Variants in CYB5R4 observed in about 807,000 individuals in gnomAD.
CYB5R4 encodes N-terminal cytochrome b5 and cytochrome b5 oxidoreductase domain-containing protein.
In CYB5R4, 55 loss-of-function variants were observed where a neutral mutation model predicts 70.2. That is an observed-to-expected ratio of 0.78 (90% CI 0.63 to 0.98). The LOEUF is 0.98. Among genes scored for constraint, CYB5R4 ranks in the 50% least tolerant of loss-of-function variants. CYB5R4 has a pLI of 0.00. For missense variants in CYB5R4, 562 were observed against 612.6 expected (o/e 0.92, Z 0.87); for synonymous variants, 197 against 199.5 (o/e 0.99, Z 0.11).
At chr6:83,917,669 G>A (rs930153279) in intron 5 of CYB5R4, among the ~76,000 whole-genome samples, 3 of 152,048 alleles carry the variant, frequency 2.0e-5, no homozygotes, top group African/African-American at 7.2e-5. Context: ...TGGACAAAAA[G>A]CCAGACTAAA....
chr6:83,951,533 T>A (rs576717278), intron 14 of CYB5R4, among the ~76,000 whole-genome samples: 35 of 152,184 alleles, frequency 2.3e-4, no homozygotes, highest in African/African-American at 8.4e-4. Context: ...GAACATGCAG[T>A]GTTTGGTTTT....
chr6:83,937,400 A>C (rs1320100006), intron 12 of CYB5R4, among the ~76,000 whole-genome samples: 1 of 152,200 alleles, frequency 6.6e-6, no homozygotes, highest in African/African-American at 2.4e-5. Context: ...TATAAGAATA[A>C]ATATATTTCT....
intron 3 of CYB5R4, among the ~76,000 whole-genome samples, chr6:83,894,356 T>A (rs1471109678): frequency 6.6e-6 from 1 of 152,190 alleles, no homozygotes; most frequent in African/African-American, 2.4e-5. Context: ...TGATTAACCA[T>A]GTTGTAATAT....
chr6:83,938,257 A>T (rs1242463746), intron 12 of CYB5R4, among the ~76,000 whole-genome samples: 1 of 152,178 alleles, frequency 6.6e-6, no homozygotes, highest in African/African-American at 2.4e-5. Context: ...AAACTTAAGG[A>T]ATGGTATTAT....
intron 4 of CYB5R4, among the ~76,000 whole-genome samples, chr6:83,910,648 T>C (rs980782038): frequency 6.6e-6 from 1 of 152,234 alleles, no homozygotes; most frequent in African/African-American, 2.4e-5. Context: ...AGAGGAATTT[T>C]GAACATGTGT....
At chr6:83,936,192 T>A in intron 11 of CYB5R4, 32 bp from the exon 12 acceptor site, 1 of 1,485,790 alleles carries the variant, frequency 6.7e-7, no homozygotes, top group Non-Finnish European at 9.0e-7. Flanking sequence ...ATTTTTAGAA[T>A]TTAATTATTT....
At chr6:83,922,005 T>C (rs2099466456) in intron 8 of CYB5R4, among the ~76,000 whole-genome samples, 1 of 152,162 alleles carries the variant, frequency 6.6e-6, no homozygotes. Flanking sequence ...GAATGGATAG[T>C]CAACTTTGGA....
At chr6:83,917,044 G>A (rs899084583) in intron 5 of CYB5R4, among the ~76,000 whole-genome samples, 1 of 152,042 alleles carries the variant, frequency 6.6e-6, no homozygotes, top group Non-Finnish European at 1.5e-5. Flanking sequence ...TCTATTGTAG[G>A]GGGGAAACAC....
At chr6:83,861,305 C>T (rs1190735395) in intron 1 of CYB5R4, among the ~76,000 whole-genome samples, 1 of 152,228 alleles carries the variant, frequency 6.6e-6, no homozygotes, top group Non-Finnish European at 1.5e-5. Context: ...AGACTCCAGT[C>T]TTCTTCCTCT....
intron 2 of CYB5R4, among the ~76,000 whole-genome samples, chr6:83,885,017 A>C (rs1478367905): frequency 6.6e-6 from 1 of 152,178 alleles, no homozygotes; most frequent in African/African-American, 2.4e-5. Flanking sequence ...GAAGACTCCA[A>C]GGACTATTGT....
rs2099473597 is a variant in CYB5R4, at chr6:83,963,224, A to AT, written c.*3348dup. The stretch of plus-strand genomic sequence containing the variant: ...AGAGAAATTTGTCCAAGATAAGATG[A>AT]TTAGGTTTTGTCTAGATAGGGGCCC... On this transcript the variant is annotated 3_prime_UTR_variant, in exon 16 of 16. Transcript: ENST00000369681. 1 of 152,106 alleles carries AT rather than the reference A, an allele frequency of 6.6e-6. No individual in the cohort carries two copies. Among genetic ancestry groups the AT allele is most frequent in the African/African-American group, 2.4e-5 (1 of 41,384 alleles). 9.4% of individuals were successfully genotyped at this position (152,106 alleles called of 1,614,324 possible).
intron 5 of CYB5R4, among the ~76,000 whole-genome samples, chr6:83,916,278 TTTCTGGTCCTAATTAGGTCATAC>T (rs776792109): frequency 1.2e-3 from 177 of 152,236 alleles, no homozygotes; most frequent in Non-Finnish European, 2.0e-3. Context: ...AAGTATAGAT[TTTCTGGTCCTAATTAGGTCATAC>T]AAGATCAATG....
At chr6:83,942,091 C>A (rs1237782814) in intron 14 of CYB5R4, among the ~76,000 whole-genome samples, 1 of 152,174 alleles carries the variant, frequency 6.6e-6, no homozygotes, top group East Asian at 1.9e-4. Flanking sequence ...TAGAGGACCC[C>A]TATGTACATG....
chr6:83,959,418 A>G (rs2099472962), intron 15 of CYB5R4, among the ~76,000 whole-genome samples: 2 of 152,206 alleles, frequency 1.3e-5, no homozygotes, highest in Non-Finnish European at 2.9e-5. Context: ...ATGTAGAAAA[A>G]TGAAGGTTTT....
At chr6:83,956,371 T>TG (rs564743878) in intron 15 of CYB5R4, among the ~76,000 whole-genome samples, 130 of 151,772 alleles carry the variant, frequency 8.6e-4, no homozygotes, top group Non-Finnish European at 1.3e-3. Context: ...AAAGCTGGAT[T>TG]GGGGGGGGCA....
intron 2 of CYB5R4, among the ~76,000 whole-genome samples, chr6:83,876,428 T>C (rs1341592485): frequency 6.6e-6 from 1 of 152,098 alleles, no homozygotes; most frequent in Admixed American, 6.5e-5. Flanking sequence ...ATTCATCCAT[T>C]GTTGACATAG....
At chr6:83,888,850 C>T (rs1201958720) in intron 2 of CYB5R4, among the ~76,000 whole-genome samples, 1 of 152,054 alleles carries the variant, frequency 6.6e-6, no homozygotes, top group East Asian at 1.9e-4. Flanking sequence ...GCTGTGAATG[C>T]AAAGGAAAAG....
At chr6:83,924,368 A>T in intron 9 of CYB5R4, 102 bp from the exon 10 acceptor site, 1 of 1,163,408 alleles carries the variant, frequency 8.6e-7, no homozygotes, top group Non-Finnish European at 1.2e-6. Context: ...AGTACCATTC[A>T]TATTAGATCA....
chr6:83,962,803 G>C lies in CYB5R4; in HGVS notation c.*2925G>C, dbSNP rs1459704985. The C allele has an allele frequency of 6.6e-6, 1 of 152,234 alleles. No homozygotes were observed. Among genetic ancestry groups the C allele is most frequent in the Non-Finnish European group, 1.5e-5 (1 of 68,050 alleles). The allele number at this position is 152,234 out of a possible 1,614,324, so 9.4% of individuals were successfully genotyped here. On this transcript the variant is annotated 3_prime_UTR_variant, in exon 16 of 16. Coordinates refer to ENST00000369681, the MANE Select transcript of CYB5R4 (RefSeq NM_016230.4). ...TTTCCTTGCTAGCTGTTAGCTGTGG[G>C]CTAGTCTTTGTTTCTAGAATTTGCC...
Sources: gnomAD v4.1 joint callset for allele counts (sites outside exome capture counted in the v4.1 genomes callset) on GRCh38, gnomAD v4.1.1 for gene constraint, MANE v1.5 for transcripts, NCBI Gene and HGNC (gene_info 2026-07-23, HGNC 2026-07-21) for gene names.